The following LIMA1 variants were observed in gnomAD, a reference collection of about 807,000 sequenced individuals.
LIMA1 encodes the protein LIM domain and actin-binding protein 1.
LIMA1 carries 52 observed loss-of-function variants against 62.6 expected under a neutral mutation model. The observed-to-expected ratio is 0.83, with a 90% CI of 0.67 to 1.05. The LOEUF (loss-of-function observed/expected upper bound fraction) is 1.05. LIMA1 is among the 50% of genes least tolerant of loss of function. LIMA1 has a pLI of 0.00. For missense variants in LIMA1, 780 were observed against 902.2 expected (o/e 0.86, Z 1.74); for synonymous variants, 302 against 317.8 (o/e 0.95, Z 0.53).
intron 2 of LIMA1, among the ~76,000 whole-genome samples, chr12:50,242,699 G>C (rs552205166): frequency 6.6e-6 from 1 of 152,288 alleles, no homozygotes; most frequent in East Asian, 1.9e-4. Context: ...GTGGTTTCAA[G>C]CTCTGCTAGC....
At chr12:50,245,911 A>G (rs1316186918) in intron 2 of LIMA1, among the ~76,000 whole-genome samples, 1 of 152,118 alleles carries the variant, frequency 6.6e-6, no homozygotes, top group African/African-American at 2.4e-5. Context: ...CTGGCCCCCA[A>G]AATATTTCAG....
chr12:50,210,418 CAAAAAA>C (rs769288381), intron 4 of LIMA1, among the ~76,000 whole-genome samples: 6 of 90,858 alleles, frequency 6.6e-5, no homozygotes, highest in East Asian at 3.3e-4. Context: ...ACCCCATTTC[CAAAAAA>C]AAAAAAAAAA....
intron 7 of LIMA1, among the ~76,000 whole-genome samples, chr12:50,199,965 C>G (rs1420468517): frequency 6.6e-6 from 1 of 151,930 alleles, no homozygotes; most frequent in Admixed American, 6.6e-5. Context: ...GTGACCTCAG[C>G]CCACTGCAAC....
chr12:50,197,023 T>C (rs1592509306), intron 7 of LIMA1, among the ~76,000 whole-genome samples: 1 of 152,226 alleles, frequency 6.6e-6, no homozygotes, highest in Admixed American at 6.6e-5. Flanking sequence ...CCCAGGATGT[T>C]CTTCTCTCAC....
intron 2 of LIMA1, among the ~76,000 whole-genome samples, chr12:50,245,441 A>G (rs536201355): frequency 1.3e-5 from 2 of 151,520 alleles, no homozygotes; most frequent in Non-Finnish European, 2.9e-5. Flanking sequence ...GAGAGAGAGA[A>G]AAAGAAAAGA....
intron 1 of LIMA1, among the ~76,000 whole-genome samples, chr12:50,265,468 C>A (rs1304540692): frequency 6.7e-6 from 1 of 149,218 alleles, no homozygotes; most frequent in African/African-American, 2.5e-5. Context: ...TGCGGTGAGC[C>A]AAGATCACAC....
intron 1 of LIMA1, among the ~76,000 whole-genome samples, chr12:50,261,042 A>ATATTTTTTTTTTTTTTTTTTT (rs1383547189): frequency 1.8e-5 from 1 of 54,292 alleles, no homozygotes; most frequent in Admixed American, 3.3e-4. Flanking sequence ...CATCTAGTAT[A>ATATTTTTTTTTTTTTTTTTTT]TTTTTTTTTT....
chr12:50,216,719 C>A (rs1941351661), intron 4 of LIMA1, among the ~76,000 whole-genome samples: 1 of 151,924 alleles, frequency 6.6e-6, no homozygotes, highest in African/African-American at 2.4e-5. Flanking sequence ...AAAAAGTTAG[C>A]CGGGAATGGC....
intron 9 of LIMA1, among the ~76,000 whole-genome samples, chr12:50,183,719 G>T (rs1239258044): frequency 1.4e-5 from 2 of 144,908 alleles, no homozygotes; most frequent in Admixed American, 1.5e-4. Context: ...GCTGAGGCAG[G>T]AGAATCGCTT....
chr12:50,233,760 T>C (rs1157725965), intron 2 of LIMA1, among the ~76,000 whole-genome samples: 1 of 152,148 alleles, frequency 6.6e-6, no homozygotes, highest in Non-Finnish European at 1.5e-5. Flanking sequence ...CTTGACCTCA[T>C]GTGATCCACC....
intron 9 of LIMA1, among the ~76,000 whole-genome samples, chr12:50,184,922 T>G (rs11169302): frequency 0.41 from 61,765 of 151,806 alleles, 12,969 homozygotes; most frequent in East Asian, 0.55. Flanking sequence ...AGCTCCACCT[T>G]CCGGGTTCAA....
At chr12:50,210,545 C>T (rs965123971) in intron 4 of LIMA1, among the ~76,000 whole-genome samples, 9 of 152,046 alleles carry the variant, frequency 5.9e-5, no homozygotes, top group Admixed American at 3.3e-4. Context: ...TTACATGTTA[C>T]AACCTGCAGA....
chr12:50,239,410 G>A (rs1052142871), intron 2 of LIMA1, among the ~76,000 whole-genome samples: 1 of 150,498 alleles, frequency 6.6e-6, no homozygotes, highest in Non-Finnish European at 1.5e-5. Flanking sequence ...AGGCTGAGTC[G>A]AGTAGATCAC....
intron 2 of LIMA1, among the ~76,000 whole-genome samples, chr12:50,237,307 T>C (rs1941710080): frequency 6.6e-6 from 1 of 152,144 alleles, no homozygotes; most frequent in South Asian, 2.1e-4. Context: ...GATTGTACAA[T>C]AATATGAATG....
rs77257009 is a variant in LIMA1 at position 50,200,959 on chromosome 12, A to G, written c.865-75T>C. 2.8e-3 allele frequency: 4,315 copies of G among 1,554,584 alleles called. 100 individuals carry two copies. In the African/African-American group the frequency reaches 0.039, roughly 14 times the overall value. On this transcript the variant is annotated intron_variant, in intron 6 of 10. Transcript: ENST00000341247. ...GTTCTCTTCATAGCACATCTATTAG[A>G]TAAACTTGGAATGTTAAAAAATTCT...
intron 5 of LIMA1, 110 bp downstream of exon 5, chr12:50,205,874 T>A: frequency 1.6e-6 from 1 of 640,088 alleles, no homozygotes; most frequent in South Asian, 3.0e-5. Context: ...GCAGACTTCC[T>A]TTTAATTTGT....
At chr12:50,255,148 C>CA (rs1252304700) in intron 1 of LIMA1, among the ~76,000 whole-genome samples, 6 of 152,106 alleles carry the variant, frequency 3.9e-5, no homozygotes, top group Non-Finnish European at 8.8e-5. Context: ...TATCCGATCT[C>CA]AGTGGCCTCC....
chr12:50,266,720 C>A (rs1942143298), intron 1 of LIMA1, among the ~76,000 whole-genome samples: 1 of 152,174 alleles, frequency 6.6e-6, no homozygotes, highest in African/African-American at 2.4e-5. Flanking sequence ...TCAAAAAAGT[C>A]ACATCCATTT....
At chr12:50,221,722 G>C (rs911411688) in intron 4 of LIMA1, among the ~76,000 whole-genome samples, 40 of 152,126 alleles carry the variant, frequency 2.6e-4, no homozygotes, top group African/African-American at 7.5e-4. Flanking sequence ...AACACAGGAA[G>C]ACAATTTAAA....
Sources: gnomAD v4.1 joint callset for allele counts (sites outside exome capture counted in the v4.1 genomes callset) on GRCh38, gnomAD v4.1.1 for gene constraint, MANE v1.5 for transcripts, NCBI Gene and HGNC (gene_info 2026-07-23, HGNC 2026-07-21) for gene names.